CR2: variants seen among roughly 807,000 people sequenced by gnomAD.
CR2 encodes complement C3d receptor 2.
Under a neutral mutation model 123.0 loss-of-function variants are expected in CR2, and 96 were observed. The observed-to-expected ratio is 0.78, with a 90% CI of 0.66 to 0.93. The LOEUF is 0.93. Ranked by LOEUF, CR2 falls within the 40% of genes least tolerant of loss-of-function variation. The pLI, the probability that CR2 is intolerant of heterozygous loss-of-function variation, is 0.00. For missense variants in CR2, 1,258 were observed against 1,361.0 expected, an observed-to-expected ratio of 0.92 and a Z score of 1.19; for synonymous variants, 484 against 469.5, an observed-to-expected ratio of 1.03 and a Z score of -0.40.
rs745712144 is a variant in CR2 at position 207,473,632 on chromosome 1, C to T, written c.2066C>T (p.Thr689Ile). The T allele has an allele frequency of 2.5e-6, 4 of 1,614,038 alleles. No individual in the cohort carries two copies. The South Asian group carries it at 3.3e-5, about 13-fold the overall frequency. The change falls in exon 11 of 20, where the codon ACT becomes ATT. Residue 689 changes from threonine to isoleucine, a missense_variant. Physicochemically the swap from Thr to Ile is moderately conservative, Grantham distance 89 (BLOSUM62 -1). Coordinates refer to ENST00000367057, the MANE Select transcript of CR2 (RefSeq NM_001006658.3). The part of the protein sequence containing the change: ...FFVSGMTVDY[T>I]CDPGYLLVGN... ...GTCTCTGGGATGACTGTAGACTACA[C>T]TTGTGACCCTGGCTATTTGCTTGTG... is the stretch of plus-strand genomic sequence containing the variant.
intron 14 of CR2, 145 bp from the exon 15 acceptor site, chr1:207,476,089 G>A (rs143926411): frequency 6.7e-6 from 5 of 742,178 alleles, no homozygotes; most frequent in Non-Finnish European, 1.2e-5. Context: ...AGTGTTGCTG[G>A]TCTGGGTGGA....
rs943572066 is a variant in CR2, at chr1:207,474,252, C to G, written c.2252C>G (p.Thr751Ser). 6.2e-7 allele frequency: 1 copy of G among 1,612,422 alleles called. No homozygotes were observed. Among genetic ancestry groups the G allele is most frequent in the Non-Finnish European group, 8.5e-7 (1 of 1,178,568 alleles). Residue 751 changes from threonine (T) to serine (S), a missense_variant, in exon 13 of 20, where the codon ACT becomes AGT. By Grantham distance (58) the Thr-to-Ser change is moderately conservative. Coordinates refer to ENST00000367057, the MANE Select transcript of CR2 (RefSeq NM_001006658.3). The part of the protein sequence containing the change: ...NTSCQDGYQL[T>S]GHAYQMCQDA... ...CTGTCTCTCTGTAGGTACCAGTTGACTGGACATGCTTATCAGATGTGTCAA... is the reference window on the plus strand; with the variant it reads ...CTGTCTCTCTGTAGGTACCAGTTGAGTGGACATGCTTATCAGATGTGTCAA...
intron 16 of CR2, 32 bp from the exon 17 acceptor site, chr1:207,479,225 T>G (rs780261383): frequency 5.9e-6 from 9 of 1,537,070 alleles, no homozygotes; most frequent in South Asian, 2.2e-5. Context: ...ACTATACTGA[T>G]AATCATTTTC....
intron 2 of CR2, chr1:207,468,238 G>A (rs1361341657): frequency 2.2e-5 from 10 of 454,840 alleles, no homozygotes; most frequent in Non-Finnish European, 1.2e-5. Context: ...TCAGCATCTC[G>A]ATCAAGCTTG....
chr1:207,474,411 CA>C (rs1344341835), intron 13 of CR2, 88 bp downstream of exon 13: 8 of 966,354 alleles, frequency 8.3e-6, no homozygotes, highest in Non-Finnish European at 1.2e-5. Context: ...GCTGCTTCAG[CA>C]GTCTTAGGCG....
At chr1:207,468,230 A>T in intron 2 of CR2, 1 of 440,860 alleles carries the variant, frequency 2.3e-6, no homozygotes, top group East Asian at 4.7e-5. Context: ...ATCCTAAGTC[A>T]GCATCTCGAT....
chr1:207,474,773 G>T (rs771696587), intron 13 of CR2, 51 bp from the exon 14 acceptor site: 1 of 1,590,226 alleles, frequency 6.3e-7, no homozygotes, highest in East Asian at 2.2e-5. Context: ...AATGAAGACC[G>T]CTCACCTTGA....
rs142154456 is a variant in CR2 at position 207,463,467 on chromosome 1, T to C, written c.59-3059T>C. ...TTGGCTGCTCTCTTCCAGTTTTAAG[T>C]CTCCAGTGCTACTGACCAGGAGCTT... On this transcript the variant is annotated intron_variant, in intron 1 of 19. Transcript: ENST00000367057. 3.4e-3 allele frequency among the ~76,000 whole-genome samples: 515 copies of C among 152,290 alleles called. 4 individuals carry two copies. The highest frequency in any genetic ancestry group is 0.014 in the Middle Eastern group (4 of 294).
At chr1:207,482,208 A>G (rs989140227) in intron 18 of CR2, among the ~76,000 whole-genome samples, 1 of 152,120 alleles carries the variant, frequency 6.6e-6, no homozygotes, top group Non-Finnish European at 1.5e-5. Flanking sequence ...TCCCTTCTTT[A>G]AGCATATTTT....
chr1:207,462,444 T>C (rs1567190), intron 1 of CR2, among the ~76,000 whole-genome samples: 66,834 of 151,982 alleles, frequency 0.44, 15,943 homozygotes, highest in South Asian at 0.59. Context: ...TAGTGAGGAA[T>C]GGTAGTTGAT....
Position 207,468,646 on chromosome 1 carries a change from C to T in CR2, c.565C>T (p.Leu189Phe), listed in dbSNP as rs1357178966. Residue 189 changes from leucine to phenylalanine, a missense_variant, in exon 3 of 20, where the codon CTT (leucine) becomes TTT (phenylalanine). By Grantham distance (22) the Leu-to-Phe change is conservative. Coordinates refer to ENST00000367057, the MANE Select transcript of CR2 (RefSeq NM_001006658.3). Reference sequence around the variant, plus strand: ...TTACAGCTGTGAATCTGGTTACTTGCTTGTTGGAGAAAAGATCATTAACTG... The same window carrying T: ...TTACAGCTGTGAATCTGGTTACTTGTTTGTTGGAGAAAAGATCATTAACTG... ...VTYSCESGYL[L>F]VGEKIINCLS... The T allele has an allele frequency of 1.2e-6, 2 of 1,613,874 alleles. No individual in the cohort carries two copies. The highest frequency in any genetic ancestry group is 1.7e-6 in the Non-Finnish European group (2 of 1,179,954).
At position 207,471,411 on chromosome 1, in the gene CR2, C is replaced by G; in HGVS notation, c.1494-12C>G. 9 of 1,601,838 alleles carry G rather than the reference C, an allele frequency of 5.6e-6. No homozygotes were observed. The highest frequency in any genetic ancestry group is 7.7e-6 in the Non-Finnish European group (9 of 1,168,970). ...CCTGATGGCAAAATGACATACGTGACTCTGTCTCTAGGTACAAGTTAAGTG... is the reference window on the plus strand; with the variant it reads ...CCTGATGGCAAAATGACATACGTGAGTCTGTCTCTAGGTACAAGTTAAGTG... On this transcript the variant is annotated splice_polypyrimidine_tract_variant and intron_variant, in intron 8 of 19. Coordinates refer to ENST00000367057, the MANE Select transcript of CR2 (RefSeq NM_001006658.3).
intron 1 of CR2, among the ~76,000 whole-genome samples, chr1:207,456,273 C>T (rs1657831784): frequency 6.6e-6 from 1 of 152,162 alleles, no homozygotes; most frequent in African/African-American, 2.4e-5. Context: ...TTTGCCCACT[C>T]TCCACTGCTA....
At position 207,468,538 on chromosome 1, in the gene CR2, G is replaced by T. The variant is rs539720446; in HGVS notation, c.457G>T (p.Glu153Ter). Residue 153 changes from glutamate (E) to a stop codon, truncating the protein, a stop_gained, in exon 3 of 20, where the codon GAG becomes TAG. Transcript: ENST00000367057. LOFTEE classifies it high-confidence loss of function. ...LPTCVSVFPL[E>*]CPALPMIHNG... is the part of the protein sequence containing the mutation. ...ATGTGTGTGTAAAGTTTTCCCTCTCGAGTGTCCAGCACTTCCTATGATCCA... is the reference window on the plus strand; with the variant it reads ...ATGTGTGTGTAAAGTTTTCCCTCTCTAGTGTCCAGCACTTCCTATGATCCA... 1.2e-6 allele frequency: 2 copies of T among 1,613,698 alleles called. No homozygotes were observed. Among genetic ancestry groups the T allele is most frequent in the Non-Finnish European group, 1.7e-6 (2 of 1,179,866 alleles).
At chr1:207,472,445 A>G (rs1658307265) in intron 9 of CR2, among the ~76,000 whole-genome samples, 1 of 152,180 alleles carries the variant, frequency 6.6e-6, no homozygotes, top group Non-Finnish European at 1.5e-5. Context: ...CCAAGAAAGC[A>G]TAATTCTATT....
rs907218000 is a variant in CR2, at chr1:207,454,337, C to G, written c.-82C>G. 1 of 1,233,642 alleles carries G rather than the reference C, an allele frequency of 8.1e-7. No individual in the cohort carries two copies. The highest frequency in any genetic ancestry group is 1.5e-5 in the African/African-American group (1 of 67,266). 76.4% of individuals were successfully genotyped at this position (1,233,642 alleles called of 1,614,324 possible). ...GCCTCTCCTGGCTCACAGCTGCTTG[C>G]TGCTCCAGCCTTGCCCTCCCAGAGC... On this transcript the variant is annotated 5_prime_UTR_variant, in exon 1 of 20. Transcript: ENST00000367057. This position sits in a 1 kb window ranked among gnomAD's most constrained non-coding sequence, Gnocchi z 4.3.
At position 207,472,925 on chromosome 1, in the gene CR2, G is replaced by A. The variant is rs764648344; in HGVS notation, c.1724G>A (p.Arg575His). 67 of 1,613,898 alleles carry A rather than the reference G, an allele frequency of 4.2e-5. No individual in the cohort carries two copies. The East Asian group carries it at 1.1e-3, about 26-fold the overall frequency. The change falls in exon 10 of 20, where the codon CGT becomes CAT. Residue 575 changes from arginine (R) to histidine (H), a missense_variant. Physicochemically the swap from Arg to His is conservative, Grantham distance 29. Transcript: ENST00000367057. ...EFSLIGESTI[R>H]CTSNDQERGT... Reference sequence around the variant, plus strand: ...AGCCTCATTGGAGAGAGCACCATCCGTTGTACAAGCAATGATCAAGAAAGA... The same window carrying A: ...AGCCTCATTGGAGAGAGCACCATCCATTGTACAAGCAATGATCAAGAAAGA...
At chr1:207,474,794 G>A in intron 13 of CR2, 30 bp from the exon 14 acceptor site, 1 of 1,613,198 alleles carries the variant, frequency 6.2e-7, no homozygotes, top group Non-Finnish European at 8.5e-7. Context: ...GGTACTAGCT[G>A]AAGTAGAACT....
At chr1:207,468,749 G>A in intron 3 of CR2, 34 bp downstream of exon 3, 1 of 1,613,736 alleles carries the variant, frequency 6.2e-7, no homozygotes, top group East Asian at 2.2e-5. Flanking sequence ...TTAAGAATCT[G>A]GGCTGTTCTG....
Sources: allele counts gnomAD v4.1 joint callset (sites outside exome capture counted in the v4.1 genomes callset), GRCh38; gene constraint gnomAD v4.1.1; non-coding constraint Gnocchi (gnomAD v3.1); transcripts MANE v1.5; gene names NCBI Gene and HGNC (gene_info 2026-07-23, HGNC 2026-07-21).